Variants in PTPRE observed in about 807,000 individuals in gnomAD.
PTPRE encodes the protein receptor-type tyrosine-protein phosphatase epsilon.
In PTPRE, 51 loss-of-function variants were observed where a neutral mutation model predicts 102.0. The ratio of observed to expected loss-of-function variants is 0.50; its 90% CI spans 0.40 to 0.63. The LOEUF is 0.63. PTPRE is among the 30% of genes least tolerant of loss of function. PTPRE has a pLI of 0.00. For missense variants in PTPRE, 752 were observed against 915.1 expected (o/e 0.82, Z 2.30); for synonymous variants, 345 against 348.2 (o/e 0.99, Z 0.10).
chr10:128,048,495 C>T lies in PTPRE; in HGVS notation c.283+658C>T, dbSNP rs147446249. ...CAGTTCTATGGTTTGGGGGAACACA[C>T]GTGCCGTCAGACTAAAATAGACTCT... On this transcript the variant is annotated intron_variant, in intron 5 of 20. Transcript: ENST00000254667. Among the ~76,000 whole-genome samples, 64 of 152,276 alleles carry T rather than the reference C, an allele frequency of 4.2e-4. 1 individual carries two copies. In the South Asian group the frequency reaches 0.01, roughly 25 times the overall value.
At chr10:128,015,428 G>A (rs1032910128) in intron 2 of PTPRE, among the ~76,000 whole-genome samples, 3 of 152,136 alleles carry the variant, frequency 2.0e-5, no homozygotes, top group South Asian at 2.1e-4. Flanking sequence ...GTGCAGTGGC[G>A]TGATCTCGGC....
At chr10:128,019,566 A>G (rs1845695364) in intron 2 of PTPRE, among the ~76,000 whole-genome samples, 1 of 152,204 alleles carries the variant, frequency 6.6e-6, no homozygotes, top group Admixed American at 6.5e-5. Flanking sequence ...GCTGGCACAA[A>G]GGGAATGGGA....
At chr10:128,045,540 G>A (rs1464020593) in intron 3 of PTPRE, among the ~76,000 whole-genome samples, 1 of 152,216 alleles carries the variant, frequency 6.6e-6, no homozygotes, top group African/African-American at 2.4e-5. Context: ...GGGGGACCGA[G>A]GCCCAAGCTT....
intron 1 of PTPRE, among the ~76,000 whole-genome samples, chr10:127,935,584 A>T (rs1037773301): frequency 6.6e-6 from 1 of 151,448 alleles, no homozygotes. Flanking sequence ...GGACCCTTTC[A>T]TCTCCCTGGC....
chr10:128,047,632 C>T (rs1245179159), intron 4 of PTPRE, 132 bp from the exon 5 acceptor site: 3 of 1,614,118 alleles, frequency 1.9e-6, no homozygotes, highest in Non-Finnish European at 8.5e-7. Flanking sequence ...GAGGCCAGGC[C>T]TTAGCGCGGC....
intron 1 of PTPRE, among the ~76,000 whole-genome samples, chr10:127,918,516 G>A (rs1322938718): frequency 1.5e-4 from 22 of 147,640 alleles, no homozygotes; most frequent in Admixed American, 4.8e-4. Context: ...CCGAGATCAC[G>A]CCACTGCACT....
intron 5 of PTPRE, among the ~76,000 whole-genome samples, chr10:128,049,254 G>T (rs1483242493): frequency 6.6e-6 from 1 of 152,050 alleles, no homozygotes; most frequent in African/African-American, 2.4e-5. Flanking sequence ...TGGATGAGTG[G>T]CCTCGGGAGG....
chr10:127,948,267 T>A (rs193039675), intron 1 of PTPRE, among the ~76,000 whole-genome samples: 1 of 152,234 alleles, frequency 6.6e-6, no homozygotes, highest in Admixed American at 6.5e-5. Flanking sequence ...GCATTTTAAA[T>A]TCACAGCAAA....
In PTPRE at chr10:128,070,046, C is replaced by A. The variant is rs1850629346; in HGVS notation, c.1143+219C>A. 1.4e-6 allele frequency: 1 copy of A among 722,674 alleles called. No homozygotes were observed. Among genetic ancestry groups the A allele is most frequent in the East Asian group, 2.7e-5 (1 of 36,816 alleles). 44.8% of individuals were successfully genotyped at this position (722,674 alleles called of 1,614,324 possible). ...GTATCCTCATGTGAGATGGGGCAATCCTACTCCCCCAAACGGTGCATGTAC... is the reference window on the plus strand; with the variant it reads ...GTATCCTCATGTGAGATGGGGCAATACTACTCCCCCAAACGGTGCATGTAC... On this transcript the variant is annotated intron_variant, in intron 13 of 20. Coordinates refer to ENST00000254667, the MANE Select transcript of PTPRE (RefSeq NM_006504.6). This position sits in a 1 kb window ranked among gnomAD's most constrained non-coding sequence, Gnocchi z 4.8.
intron 9 of PTPRE, 33 bp from the exon 10 acceptor site, chr10:128,063,050 C>A (rs769353975): frequency 6.2e-7 from 1 of 1,613,126 alleles, no homozygotes; most frequent in Non-Finnish European, 8.5e-7. Context: ...TCCCTTCATG[C>A]CTTTTGACTT....
At chr10:128,032,203 A>G (rs985417354) in intron 2 of PTPRE, among the ~76,000 whole-genome samples, 1 of 152,024 alleles carries the variant, frequency 6.6e-6, no homozygotes, top group Admixed American at 6.5e-5. Context: ...TTTAGTAGAG[A>G]TGGGGTTATA....
chr10:127,949,172 G>C (rs569683944), intron 1 of PTPRE, among the ~76,000 whole-genome samples: 68 of 152,282 alleles, frequency 4.5e-4, no homozygotes, highest in Non-Finnish European at 2.9e-5. Flanking sequence ...GAACCATGCT[G>C]CTAGTGTGCC....
Position 128,061,841 on chromosome 10 carries a change from C to T in PTPRE, c.625+126C>T, listed in dbSNP as rs1849620606. On this transcript the variant is annotated intron_variant, in intron 9 of 20. Transcript: ENST00000254667. ...TGTGTGTGTGTTTACACCTAACAGA[C>T]ACGTTAGATATCCATTCACACAACG... 11 of 1,156,362 alleles carry T rather than the reference C, an allele frequency of 9.5e-6. No individual in the cohort carries two copies. The South Asian group carries it at 1.7e-4, about 18-fold the overall frequency. The allele number at this position is 1,156,362 out of a possible 1,614,324, so 71.6% of individuals were successfully genotyped here. A position where few individuals can be genotyped will look rare whatever the true frequency, so the allele number is the denominator to read the frequency against.
chr10:127,953,311 C>T (rs1042719985), intron 1 of PTPRE, among the ~76,000 whole-genome samples: 3 of 152,334 alleles, frequency 2.0e-5, no homozygotes, highest in African/African-American at 4.8e-5. Context: ...AGGTAAATCA[C>T]GGTGAAGGCT....
chr10:127,938,311 T>C (rs1000831312), intron 1 of PTPRE, among the ~76,000 whole-genome samples: 3 of 152,080 alleles, frequency 2.0e-5, no homozygotes, highest in Non-Finnish European at 4.4e-5. Flanking sequence ...CACTGATCAG[T>C]CAGGACTCTA....
chr10:128,046,798 G>A (rs936947588), intron 3 of PTPRE, among the ~76,000 whole-genome samples: 1 of 152,192 alleles, frequency 6.6e-6, no homozygotes, highest in Non-Finnish European at 1.5e-5. Context: ...CTCTTTCTGG[G>A]TGAGGAAGGT....
At chr10:128,067,466 GCA>G (rs1206745057) in intron 11 of PTPRE, among the ~76,000 whole-genome samples, 2 of 150,242 alleles carry the variant, frequency 1.3e-5, no homozygotes, top group African/African-American at 2.5e-5. Flanking sequence ...GCATACATGT[GCA>G]CACATTCACA....
At chr10:128,006,604 C>T (rs911060915) in intron 2 of PTPRE, among the ~76,000 whole-genome samples, 2 of 152,146 alleles carry the variant, frequency 1.3e-5, no homozygotes, top group Non-Finnish European at 2.9e-5. Flanking sequence ...AACTTCACCA[C>T]GTGGAGCTGG....
intron 7 of PTPRE, among the ~76,000 whole-genome samples, chr10:128,059,291 G>A (rs754988221): frequency 1.3e-4 from 20 of 152,194 alleles, no homozygotes; most frequent in Non-Finnish European, 5.9e-5. Context: ...TAAGTTTGGG[G>A]TCTGACTCCC....
Sources: allele counts gnomAD v4.1 joint callset (sites outside exome capture counted in the v4.1 genomes callset), GRCh38; gene constraint gnomAD v4.1.1; non-coding constraint Gnocchi (gnomAD v3.1); transcripts MANE v1.5; gene names NCBI Gene and HGNC (gene_info 2026-07-23, HGNC 2026-07-21).